Variants in DRC5 observed in about 807,000 individuals in gnomAD.
DRC5 encodes the protein T-complex-associated testis-expressed protein 1.
At chr6:44,286,059 C>A in the DRC5 span, 1 of 1,614,042 alleles carries the variant, frequency 6.2e-7, no homozygotes, top group Non-Finnish European at 8.5e-7. Flanking sequence ...ATGCCGCAGT[C>A]CTTGACATCG....
At chr6:44,282,438 C>T in the DRC5 span, 1 of 1,613,638 alleles carries the variant, frequency 6.2e-7, no homozygotes, top group Admixed American at 1.7e-5. Flanking sequence ...ACCTCGTGCA[C>T]CACGGTCTCC....
the DRC5 span, among the ~76,000 whole-genome samples, chr6:44,293,286 T>A: frequency 3.0e-5 from 4 of 134,992 alleles, no homozygotes; most frequent in Non-Finnish European, 6.1e-5. Flanking sequence ...CCTTTCAAGG[T>A]CCTTTCAGAA....
chr6:44,280,198 C>A, the DRC5 span: 3 of 1,614,132 alleles, frequency 1.9e-6, no homozygotes, highest in Non-Finnish European at 2.5e-6. Context: ...ACAGAGTTCT[C>A]AGGGCCATTG....
chr6:44,280,897 C>T, the DRC5 span, among the ~76,000 whole-genome samples: 1 of 152,226 alleles, frequency 6.6e-6, no homozygotes, highest in Non-Finnish European at 1.5e-5. Flanking sequence ...GCACTGAACC[C>T]AGGGGTTTAC....
chr6:44,297,158 G>A, the DRC5 span, among the ~76,000 whole-genome samples: 1 of 152,212 alleles, frequency 6.6e-6, no homozygotes, highest in South Asian at 2.1e-4. Flanking sequence ...TACCTGGGGT[G>A]TAGAGGCGCT....
the DRC5 span, among the ~76,000 whole-genome samples, chr6:44,283,627 A>C: frequency 2.0e-5 from 3 of 152,178 alleles, no homozygotes; most frequent in African/African-American, 7.2e-5. Context: ...GCAAAGCCCT[A>C]ACCCTGGATC....
At chr6:44,289,181 C>T in the DRC5 span, among the ~76,000 whole-genome samples, 464 of 150,730 alleles carry the variant, frequency 3.1e-3, 3 homozygotes, top group African/African-American at 0.01. Flanking sequence ...GGATTACAGG[C>T]GCCTGCCACC....
the DRC5 span, among the ~76,000 whole-genome samples, chr6:44,289,017 A>AAAAAAAG: frequency 7.2e-6 from 1 of 139,706 alleles, no homozygotes; most frequent in Admixed American, 7.5e-5. Context: ...AAAAAAAAAA[A>AAAAAAAG]AAAAAGAAAA....
At chr6:44,281,177 C>T in the DRC5 span, among the ~76,000 whole-genome samples, 1 of 152,128 alleles carries the variant, frequency 6.6e-6, no homozygotes, top group African/African-American at 2.4e-5. Flanking sequence ...CCCTGCTGGG[C>T]TGGGTGGGCT....
chr6:44,286,003 G>C, the DRC5 span: 2 of 1,614,088 alleles, frequency 1.2e-6, no homozygotes, highest in Non-Finnish European at 1.7e-6. Context: ...CTGCCAAGGA[G>C]AGGCAGTCAC....
chr6:44,287,339 G>A, the DRC5 span: 1 of 681,912 alleles, frequency 1.5e-6, no homozygotes, highest in Admixed American at 6.3e-5. Flanking sequence ...GTGTGGGTGG[G>A]AGTCTGGTGG....
the DRC5 span, among the ~76,000 whole-genome samples, chr6:44,293,740 C>T: frequency 3.3e-5 from 5 of 152,174 alleles, no homozygotes; most frequent in Non-Finnish European, 5.9e-5. Flanking sequence ...AGGGCCTCCC[C>T]GGGCTAAGTG....
the DRC5 span, among the ~76,000 whole-genome samples, chr6:44,285,358 G>T: frequency 6.6e-6 from 1 of 152,170 alleles, no homozygotes; most frequent in African/African-American, 2.4e-5. Context: ...GAATATTCGG[G>T]ACATACTTAT....
the DRC5 span, chr6:44,282,541 T>C: frequency 1.3e-6 from 2 of 1,592,040 alleles, no homozygotes; most frequent in South Asian, 2.2e-5. Flanking sequence ...TCCACCTTGC[T>C]TCGGGTCAGC....
chr6:44,287,815 G>A, the DRC5 span: 1 of 1,613,664 alleles, frequency 6.2e-7, no homozygotes, highest in African/African-American at 1.3e-5. Context: ...TGTCGTTACG[G>A]TATCCTGCAT....
chr6:44,287,257 G>T, the DRC5 span: 1 of 985,092 alleles, frequency 1.0e-6, no homozygotes, highest in Non-Finnish European at 1.2e-6. Flanking sequence ...GGAGGAAGTA[G>T]ATATGGCTCA....
the DRC5 span, among the ~76,000 whole-genome samples, chr6:44,285,539 G>C: frequency 7.6e-4 from 115 of 152,292 alleles, no homozygotes; most frequent in Admixed American, 1.4e-3. Flanking sequence ...CTACAAGCGT[G>C]CCTGGACCTG....
chr6:44,283,207 C>T, the DRC5 span, among the ~76,000 whole-genome samples: 2 of 152,254 alleles, frequency 1.3e-5, no homozygotes, highest in South Asian at 2.1e-4. Context: ...ATTATTTCCC[C>T]AGAGTAATGC....
At chr6:44,279,840 A>G in the DRC5 span, 2 of 226,774 alleles carry the variant, frequency 8.8e-6, no homozygotes, top group Non-Finnish European at 8.7e-6. Flanking sequence ...AATGGTGGGG[A>G]GTCAGGGAGG....
Sources: gnomAD v4.1 joint callset for allele counts (sites outside exome capture counted in the v4.1 genomes callset) on GRCh38, gnomAD v4.1.1 for gene constraint, MANE v1.5 for transcripts, NCBI Gene and HGNC (gene_info 2026-07-23, HGNC 2026-07-21) for gene names.